GNG2: variants seen among roughly 807,000 people sequenced by gnomAD.
GNG2 encodes guanine nucleotide-binding protein G(I)/G(S)/G(O) subunit gamma-2.
GNG2 carries 5 observed loss-of-function variants against 5.5 expected under a neutral mutation model. The observed-to-expected ratio is 0.91, with a 90% CI of 0.48 to 1.92. GNG2 has a LOEUF of 1.92. Among genes scored for constraint, GNG2 ranks in the 30% most tolerant of loss-of-function variants. The pLI, the probability that GNG2 is intolerant of heterozygous loss-of-function variation, is 0.01. For missense variants in GNG2, 55 were observed against 88.4 expected (o/e 0.62, Z 1.52); for synonymous variants, 28 against 32.0 (o/e 0.88, Z 0.42).
intron 2 of GNG2, among the ~76,000 whole-genome samples, chr14:51,838,754 A>G (rs1387504698): frequency 6.6e-6 from 1 of 152,174 alleles, no homozygotes; most frequent in Admixed American, 6.5e-5. Flanking sequence ...AAATATAAAA[A>G]ATTAGCCAGC....
chr14:51,928,933 G>A (rs1192731392), intron 2 of GNG2, among the ~76,000 whole-genome samples: 1 of 152,150 alleles, frequency 6.6e-6, no homozygotes, highest in Non-Finnish European at 1.5e-5. Flanking sequence ...CTAAGCCGTA[G>A]TCTATAATAA....
chr14:51,961,540 C>A (rs1889614471), intron 3 of GNG2, among the ~76,000 whole-genome samples: 1 of 152,134 alleles, frequency 6.6e-6, no homozygotes, highest in Admixed American at 6.6e-5. Context: ...GGCAAATAAA[C>A]AAACGATGTC....
At chr14:51,889,274 G>A (rs532617942) in intron 2 of GNG2, among the ~76,000 whole-genome samples, 69 of 151,982 alleles carry the variant, frequency 4.5e-4, no homozygotes, top group Non-Finnish European at 8.1e-4. Context: ...CACCACGCCC[G>A]GCTAATTTTT....
intron 2 of GNG2, among the ~76,000 whole-genome samples, chr14:51,942,589 C>CTTTTTTTTTTT (rs56883654): frequency 1.2e-5 from 1 of 81,146 alleles, no homozygotes; most frequent in African/African-American, 5.9e-5. Flanking sequence ...TTCTTTCTTT[C>CTTTTTTTTTTT]TTTTTTTTTT....
At chr14:51,841,881 A>G (rs12889450) in intron 2 of GNG2, among the ~76,000 whole-genome samples, 2 of 151,882 alleles carry the variant, frequency 1.3e-5, no homozygotes, top group African/African-American at 4.8e-5. Flanking sequence ...AGACTGCATG[A>G]AAATTATATT....
rs142604871 is a variant in GNG2 at position 51,838,896 on chromosome 14, G to A, written c.64+11089G>A. On this transcript the variant is annotated intron_variant, in intron 2 of 3. Coordinates refer to the GNG2 transcript ENST00000553432. ...CACTGCAGCCTGGACAATAGAGTGA[G>A]ACCCTGTCTCAAAAAAAATAAAAAT... 1.1e-4 allele frequency among the ~76,000 whole-genome samples: 16 copies of A among 152,180 alleles called. No individual in the cohort carries two copies. In the East Asian group the frequency reaches 3.1e-3, roughly 29 times the overall value.
At position 51,959,873 on chromosome 14, in the gene GNG2, T is replaced by C. The variant is rs562355190; in HGVS notation, c.88-6686T>C. Among the ~76,000 whole-genome samples the C allele has an allele frequency of 3.3e-5, 5 of 152,304 alleles. No homozygotes were observed. The South Asian group carries it at 1.0e-3, about 32-fold the overall frequency. On this transcript the variant is annotated intron_variant, in intron 3 of 3. Transcript: ENST00000556766. ...GAACTTACTACCTTCCAACATTCTC[T>C]ATATAACCACTATGTTTCATTGCCT...
In GNG2 at chr14:51,926,582, G is replaced by A. The variant is rs542775152; in HGVS notation, c.-29-24068G>A. 2.6e-5 allele frequency among the ~76,000 whole-genome samples: 4 copies of A among 152,236 alleles called. No individual in the cohort carries two copies. In the South Asian group the frequency reaches 8.3e-4, roughly 32 times the overall value. On this transcript the variant is annotated intron_variant, in intron 2 of 3. Transcript: ENST00000556766. The stretch of plus-strand genomic sequence containing the variant: ...TCATGTTGAGACAGCCAAGCATAAA[G>A]AGACTCCCTACCGGCCTGCGCACTG...
intron 2 of GNG2, among the ~76,000 whole-genome samples, chr14:51,884,702 A>G (rs1294395889): frequency 6.6e-6 from 1 of 152,220 alleles, no homozygotes; most frequent in Non-Finnish European, 1.5e-5. Context: ...TTAAGGCAGT[A>G]GAAACAAGTT....
intron 2 of GNG2, among the ~76,000 whole-genome samples, chr14:51,934,680 T>TCC (rs1887864270): frequency 6.6e-6 from 1 of 152,198 alleles, no homozygotes; most frequent in Non-Finnish European, 1.5e-5. Context: ...TCCCACGTTC[T>TCC]CTATGTGAAC....
At chr14:51,927,448 A>G (rs188017931) in intron 2 of GNG2, among the ~76,000 whole-genome samples, 2 of 152,352 alleles carry the variant, frequency 1.3e-5, no homozygotes, top group East Asian at 1.9e-4. Context: ...TATATTTCAC[A>G]TTAGTACTAT....
chr14:51,969,345 A>G lies in GNG2; in HGVS notation c.*2658A>G, dbSNP rs1397873632. The G allele has an allele frequency of 6.6e-6, 1 of 152,224 alleles. No homozygotes were observed. Among genetic ancestry groups the G allele is most frequent in the Non-Finnish European group, 1.5e-5 (1 of 68,044 alleles). 9.4% of individuals were successfully genotyped at this position (152,224 alleles called of 1,614,324 possible). On this transcript the variant is annotated 3_prime_UTR_variant, in exon 4 of 4. Coordinates refer to ENST00000556766, the MANE Select transcript of GNG2 (RefSeq NM_053064.5). ...CAGTTTAAAAAGTGTTATTTTTAAA[A>G]CATTTGAAACCAAGTACTGTTTAAT... is the stretch of plus-strand genomic sequence containing the variant.
chr14:51,935,532 T>G (rs1887941493), intron 2 of GNG2, among the ~76,000 whole-genome samples: 1 of 152,166 alleles, frequency 6.6e-6, no homozygotes, highest in Non-Finnish European at 1.5e-5. Flanking sequence ...ACCTTAATAA[T>G]GCTCCCAATT....
At chr14:51,891,495 C>G (rs1884851837) in intron 2 of GNG2, among the ~76,000 whole-genome samples, 2 of 152,090 alleles carry the variant, frequency 1.3e-5, no homozygotes, top group Admixed American at 1.3e-4. Flanking sequence ...AGAACAAACC[C>G]ACATACATTC....
chr14:51,901,786 C>T (rs1371681396), intron 2 of GNG2, among the ~76,000 whole-genome samples: 1 of 151,904 alleles, frequency 6.6e-6, no homozygotes, highest in East Asian at 1.9e-4. Context: ...CATAGGCCCT[C>T]TGGGAGGCAT....
rs11463019 is a variant in GNG2, at chr14:51,880,967, GA to G, written c.-30+3331del. 8.5e-3 allele frequency among the ~76,000 whole-genome samples: 863 copies of G among 101,992 alleles called. 8 individuals are homozygous for G. Among genetic ancestry groups the G allele is most frequent in the East Asian group, 0.061 (195 of 3,218 alleles). 66.9% of individuals were successfully genotyped at this position (101,992 alleles called of 152,430 possible). ...ACCAGCTTAAAAAGACAAAAAAAAAGAAAAAAAAAAAAAAAAAAAAACCCTG... is the reference window on the plus strand; with the variant it reads ...ACCAGCTTAAAAAGACAAAAAAAAAGAAAAAAAAAAAAAAAAAAAACCCTG... On this transcript the variant is annotated intron_variant, in intron 2 of 3. Coordinates refer to ENST00000556766, the MANE Select transcript of GNG2 (RefSeq NM_053064.5).
chr14:51,836,653 T>A (rs1881339042), intron 2 of GNG2, among the ~76,000 whole-genome samples: 1 of 151,916 alleles, frequency 6.6e-6, no homozygotes. Context: ...ATCTATTAAG[T>A]CTAATGTACT....
chr14:51,952,062 T>G, intron 3 of GNG2: 1 of 606,300 alleles, frequency 1.6e-6, no homozygotes, highest in Non-Finnish European at 2.9e-6. Flanking sequence ...TTTCAGTTCA[T>G]TCCGATGTAT....
chr14:51,864,756 A>G (rs1252685766), intron 1 of GNG2, among the ~76,000 whole-genome samples: 1 of 152,164 alleles, frequency 6.6e-6, no homozygotes, highest in African/African-American at 2.4e-5. Flanking sequence ...AGTAGGTATC[A>G]TGGCCAGAAA....
Sources: allele counts gnomAD v4.1 joint callset (sites outside exome capture counted in the v4.1 genomes callset), GRCh38; gene constraint gnomAD v4.1.1; transcripts MANE v1.5; gene names NCBI Gene and HGNC (gene_info 2026-07-23, HGNC 2026-07-21).